LRRC27: variants seen among roughly 807,000 people sequenced by gnomAD.
The protein encoded by LRRC27 is leucine rich repeat containing 27, also known as leucine-rich repeat-containing protein 27.
A neutral mutation model predicts 55.0 loss-of-function variants in LRRC27; 57 were observed. The observed-to-expected ratio is 1.04, with a 90% CI of 0.84 to 1.29. The LOEUF (loss-of-function observed/expected upper bound fraction) is 1.29, where lower values mean the gene tolerates loss of function less well. Ranked by LOEUF, LRRC27 falls within the 50% of genes most tolerant of loss-of-function variation. LRRC27 has a pLI of 0.00. For synonymous variants in LRRC27, 278 were observed against 251.9 expected, an observed-to-expected ratio of 1.10 and a Z score of -0.98; for missense variants, 721 against 651.5, an observed-to-expected ratio of 1.11 and a Z score of -1.16.
rs889000540 is a variant in LRRC27, at chr10:132,349,175, C to T, written c.926+819C>T. On this transcript the variant is annotated intron_variant, in intron 6 of 10. Transcript: ENST00000368614. Reference sequence around the variant, plus strand: ...AATTGGTGAATCTAGATCATGCATTCTCAAGGGGCACATTGTCATAGCCGA... The same window carrying T: ...AATTGGTGAATCTAGATCATGCATTTTCAAGGGGCACATTGTCATAGCCGA... The T allele has an allele frequency of 1.7e-5, 13 of 744,048 alleles. No homozygotes were observed. The South Asian group carries it at 1.9e-4, about 11-fold the overall frequency. The allele number at this position is 744,048 out of a possible 1,614,324, so 46.1% of individuals were successfully genotyped here.
At chr10:132,352,479 TG>T (rs2068089788) in intron 7 of LRRC27, among the ~76,000 whole-genome samples, 1 of 82,492 alleles carries the variant, frequency 1.2e-5, no homozygotes, top group Admixed American at 1.1e-4. Context: ...GGCCTCCGTG[TG>T]GGGCAGGCGC....
At chr10:132,343,833 C>G (rs115338114) in intron 4 of LRRC27, among the ~76,000 whole-genome samples, 1 of 152,230 alleles carries the variant, frequency 6.6e-6, no homozygotes, top group African/African-American at 2.4e-5. Context: ...AGTGCTTCCC[C>G]GTGCTCCTCA....
chr10:132,355,652 C>T (rs1324988568), intron 7 of LRRC27, 138 bp from the exon 8 acceptor site: 8 of 627,278 alleles, frequency 1.3e-5, no homozygotes, highest in Non-Finnish European at 2.3e-5. Context: ...TTCAGACTCC[C>T]ACCCGGAGGG....
intron 10 of LRRC27, among the ~76,000 whole-genome samples, chr10:132,368,777 C>T (rs910957413): frequency 3.3e-5 from 5 of 152,114 alleles, no homozygotes; most frequent in Non-Finnish European, 4.4e-5. Context: ...AAAGCAAGAT[C>T]CATGACAGAA....
intron 5 of LRRC27, among the ~76,000 whole-genome samples, chr10:132,345,696 C>T (rs916423982): frequency 1.3e-5 from 2 of 151,918 alleles, no homozygotes; most frequent in Admixed American, 6.6e-5. Flanking sequence ...ATGGGGTGGC[C>T]GAGGAGAGAT....
At chr10:132,342,059 C>A (rs2067440882) in intron 3 of LRRC27, among the ~76,000 whole-genome samples, 154 bp from the exon 4 acceptor site, 1 of 152,304 alleles carries the variant, frequency 6.6e-6, no homozygotes, top group Middle Eastern at 3.4e-3. Flanking sequence ...CATATGACAG[C>A]AGACCATTTG....
chr10:132,331,818 C>T (rs756324779), upstream of LRRC27: 48 of 1,550,994 alleles, frequency 3.1e-5, no homozygotes, highest in Admixed American at 8.5e-4. Context: ...CGACCACCAC[C>T]CCTTCAAGGC....
At chr10:132,365,642 C>T in intron 10 of LRRC27, 92 bp downstream of exon 10, 2 of 1,478,942 alleles carry the variant, frequency 1.4e-6, no homozygotes, top group Non-Finnish European at 1.8e-6. Context: ...TGTTCTGTCA[C>T]CCAGGCTGGA....
upstream of LRRC27, among the ~76,000 whole-genome samples, chr10:132,330,693 T>TTA (rs1554887100): frequency 1.4e-5 from 2 of 144,558 alleles, no homozygotes; most frequent in East Asian, 2.1e-4. Context: ...TTTTTTTTTT[T>TTA]AATTTTTGTA....
In LRRC27 at chr10:132,375,093, A is replaced by C. The variant is rs915659219; in HGVS notation, c.1444A>C (p.Lys482Gln). The C allele has an allele frequency of 3.1e-6, 5 of 1,613,778 alleles. No individual in the cohort carries two copies. The highest frequency in any genetic ancestry group is 1.1e-5 in the South Asian group (1 of 91,068). The change falls in exon 11 of 11, where the codon AAG (lysine) becomes CAG (glutamine). Residue 482 changes from lysine (K) to glutamine (Q), a missense_variant. By Grantham distance (53) the Lys-to-Gln change is moderately conservative. Coordinates refer to ENST00000368614, the MANE Select transcript of LRRC27 (RefSeq NM_030626.3). The part of the protein sequence containing the change: ...IATELQDEVL[K>Q]LKLGLTLNKD... ...CACAGAGCTACAGGATGAAGTATTGAAGCTAAAATTGGGATTAACCTTGAA... is the reference window on the plus strand; with the variant it reads ...CACAGAGCTACAGGATGAAGTATTGCAGCTAAAATTGGGATTAACCTTGAA...
At position 132,337,610 on chromosome 10, in the gene LRRC27, T is replaced by G. The variant is rs772205842; in HGVS notation, c.256T>G (p.Phe86Val). 1.2e-6 allele frequency: 2 copies of G among 1,614,208 alleles called. No individual in the cohort carries two copies. Among genetic ancestry groups the G allele is most frequent in the South Asian group, 2.2e-5 (2 of 91,080 alleles). Reference protein sequence around the residue: ...RNALCVIPQDFFQLLPNLTWL... With the variant: ...RNALCVIPQDVFQLLPNLTWL... ...TGCCCTGTGTGTGATTCCTCAAGAT[T>G]TCTTTCAGTTGCTTCCGAACCTGAC... Residue 86 changes from phenylalanine (F) to valine (V), a missense_variant, in exon 3 of 11, where the codon TTC (phenylalanine) becomes GTC (valine). Transcript: ENST00000368614.
Position 132,361,511 on chromosome 10 carries a change from C to T in LRRC27, c.1225C>T (p.Leu409=), listed in dbSNP as rs150711616. The change falls in exon 9 of 11, where the codon CTG becomes TTG. Residue 409 remains leucine (L), a synonymous_variant. Coordinates refer to ENST00000368614, the MANE Select transcript of LRRC27 (RefSeq NM_030626.3). The part of the protein sequence containing the change: ...TDLIDNRKVP[L]NPPGKMKPSK... ...TCTGATAGATAACAGGAAAGTACCACTGAATCCGCCTGGAAAAATGAAACC... is the reference window on the plus strand; with the variant it reads ...TCTGATAGATAACAGGAAAGTACCATTGAATCCGCCTGGAAAAATGAAACC... The T allele has an allele frequency of 6.3e-5, 101 of 1,613,964 alleles. No homozygotes were observed. The African/African-American group carries it at 1.2e-3, about 19-fold the overall frequency.
In LRRC27 at chr10:132,378,571, CAT is replaced by C. The variant is rs2069368917; in HGVS notation, c.*3330_*3331del. 6.6e-6 allele frequency: 1 copy of C among 152,250 alleles called. No homozygotes were observed. Among genetic ancestry groups the C allele is most frequent in the Non-Finnish European group, 1.5e-5 (1 of 68,106 alleles). The allele number at this position is 152,250 out of a possible 1,614,324, so 9.4% of individuals were successfully genotyped here. On this transcript the variant is annotated 3_prime_UTR_variant, in exon 11 of 11. Coordinates refer to ENST00000368614, the MANE Select transcript of LRRC27 (RefSeq NM_030626.3). ...GCTGTAACCTGCACGTCTCTTCTGTCATGTGTTCTATTTTTCATTCCTCTCTG... is the reference window on the plus strand; with the variant it reads ...GCTGTAACCTGCACGTCTCTTCTGTCGTGTTCTATTTTTCATTCCTCTCTG...
At chr10:132,359,295 A>G (rs1330642544) in intron 8 of LRRC27, among the ~76,000 whole-genome samples, 1 of 152,140 alleles carries the variant, frequency 6.6e-6, no homozygotes, top group Non-Finnish European at 1.5e-5. Flanking sequence ...AATAAAAGCA[A>G]TCATATAGGC....
chr10:132,353,589 G>C (rs1266429500), intron 7 of LRRC27, among the ~76,000 whole-genome samples: 1 of 152,086 alleles, frequency 6.6e-6, no homozygotes, highest in African/African-American at 2.4e-5. Context: ...TCATACTGAC[G>C]GGCAAGGATG....
rs1389167376 is a variant in LRRC27 at position 132,364,535 on chromosome 10, TTAAATCTACCTC to T, written c.1290-888_1290-877del. On this transcript the variant is annotated intron_variant, in intron 9 of 10. Transcript: ENST00000368614. ...TCCACACTCGCACTTACACCCACAC[TTAAATCTACCTC>T]CACACCCACACTTACACCCACGTCC... is the stretch of plus-strand genomic sequence containing the variant. Among the ~76,000 whole-genome samples the T allele has an allele frequency of 7.8e-3, 92 of 11,778 alleles. 16 individuals carry two copies. The highest frequency in any genetic ancestry group is 0.015 in the African/African-American group (56 of 3,696). The allele number at this position is 11,778 out of a possible 152,430, so 7.7% of individuals were successfully genotyped here.
At chr10:132,354,534 G>T (rs1383979910) in intron 7 of LRRC27, among the ~76,000 whole-genome samples, 1 of 152,186 alleles carries the variant, frequency 6.6e-6, no homozygotes, top group South Asian at 2.1e-4. Context: ...CCAGGCAGGC[G>T]TCAGGACACA....
upstream of LRRC27, chr10:132,331,888 C>G (rs368172958): frequency 2.8e-3 from 2,954 of 1,059,206 alleles, 13 homozygotes; most frequent in Non-Finnish European, 3.3e-3. Flanking sequence ...CGCACCACCC[C>G]CTGCCACCCC....
Position 132,378,285 on chromosome 10 carries a change from A to G in LRRC27, c.*3043A>G, listed in dbSNP as rs914701243. 4.6e-5 allele frequency: 7 copies of G among 151,728 alleles called. No individual in the cohort carries two copies. The highest frequency in any genetic ancestry group is 2.9e-5 in the Non-Finnish European group (2 of 67,964). 9.4% of individuals were successfully genotyped at this position (151,728 alleles called of 1,614,324 possible). On this transcript the variant is annotated 3_prime_UTR_variant, in exon 11 of 11. Coordinates refer to ENST00000368614, the MANE Select transcript of LRRC27 (RefSeq NM_030626.3). Reference sequence around the variant, plus strand: ...TTTCTCCTTATCTTTGGTTTTCAGCAGTCTGTGCTGTGCCTGGATGTAATT... The same window carrying G: ...TTTCTCCTTATCTTTGGTTTTCAGCGGTCTGTGCTGTGCCTGGATGTAATT...
Sources: gnomAD v4.1 joint callset for allele counts (sites outside exome capture counted in the v4.1 genomes callset) on GRCh38, gnomAD v4.1.1 for gene constraint, MANE v1.5 for transcripts, NCBI Gene and HGNC (gene_info 2026-07-23, HGNC 2026-07-21) for gene names.